ERI1: variants seen among roughly 807,000 people sequenced by gnomAD.
ERI1 encodes the protein 3'-5' exoribonuclease 1.
A neutral mutation model predicts 39.7 loss-of-function variants in ERI1; 39 were observed. The ratio of observed to expected loss-of-function variants is 0.98; its 90% confidence interval spans 0.76 to 1.28. The LOEUF (loss-of-function observed/expected upper bound fraction) is 1.28. ERI1 is among the 50% of genes most tolerant of loss of function. The pLI, the probability that ERI1 is intolerant of heterozygous loss-of-function variation, is 0.00. For synonymous variants in ERI1, 204 were observed against 149.6 expected, an observed-to-expected ratio of 1.36 and a Z score of -2.65; for missense variants, 581 against 416.9, an observed-to-expected ratio of 1.39 and a Z score of -3.43.
chr8:9,062,300 CGA>C (rs1240083262), intron 3 of ERI1, among the ~76,000 whole-genome samples: 1 of 151,514 alleles, frequency 6.6e-6, no homozygotes, highest in Non-Finnish European at 1.5e-5. Flanking sequence ...TGCGGGGATA[CGA>C]GAGGAGAATG....
chr8:9,018,458 A>G, intron 5 of ERI1, 52 bp downstream of exon 5: 1 of 1,034,816 alleles, frequency 9.7e-7, no homozygotes, highest in South Asian at 1.5e-5. Flanking sequence ...AAGATTAAAG[A>G]TACCCTTATT....
intron 3 of ERI1, among the ~76,000 whole-genome samples, chr8:9,081,067 A>G (rs1300795438): frequency 2.0e-5 from 3 of 152,210 alleles, no homozygotes; most frequent in Non-Finnish European, 4.4e-5. Flanking sequence ...GTGAAGGGGA[A>G]GCAAGGCACG....
At chr8:9,076,554 A>G (rs1176150614) in intron 3 of ERI1, among the ~76,000 whole-genome samples, 3 of 152,182 alleles carry the variant, frequency 2.0e-5, no homozygotes, top group Non-Finnish European at 2.9e-5. Flanking sequence ...AGTAAGGAAA[A>G]GAGGTGGGTG....
intron 3 of ERI1, among the ~76,000 whole-genome samples, chr8:9,054,176 G>T (rs575188573): frequency 6.6e-6 from 1 of 152,286 alleles, no homozygotes; most frequent in Non-Finnish European, 1.5e-5. Flanking sequence ...GATATAAATT[G>T]TAGTGGGAAT....
chr8:9,034,291 G>T (rs1047347268), downstream of ERI1, among the ~76,000 whole-genome samples: 1 of 152,222 alleles, frequency 6.6e-6, no homozygotes, highest in Non-Finnish European at 1.5e-5. Flanking sequence ...AATCATTGTG[G>T]AGCCACAAGG....
At chr8:9,023,762 C>A (rs939411112) in intron 6 of ERI1, among the ~76,000 whole-genome samples, 1 of 130,910 alleles carries the variant, frequency 7.6e-6, no homozygotes, top group Non-Finnish European at 1.6e-5. Flanking sequence ...TATGGTATGT[C>A]TAAAAACATT....
chr8:9,058,173 A>G (rs1360363579), intron 3 of ERI1, among the ~76,000 whole-genome samples: 2 of 152,202 alleles, frequency 1.3e-5, no homozygotes, highest in Non-Finnish European at 2.9e-5. Context: ...AGACTGCTGC[A>G]AATTACCCAG....
chr8:9,045,277 C>T (rs1380982722), intron 3 of ERI1, among the ~76,000 whole-genome samples: 1 of 151,668 alleles, frequency 6.6e-6, no homozygotes, highest in Non-Finnish European at 1.5e-5. Context: ...TTACGTTCAG[C>T]CCTAAGCTGG....
rs1455989441 is a variant in ERI1 at position 9,032,154 on chromosome 8, G to C, written c.*2120G>C. ...GATGATACTAAACATTGAGAGTACT[G>C]CTTTTTACTCTGACTTTTATTGTGT... On this transcript the variant is annotated 3_prime_UTR_variant, in exon 7 of 7. Transcript: ENST00000250263. The C allele has an allele frequency of 6.6e-6, 1 of 152,144 alleles. No individual in the cohort carries two copies. The highest frequency in any genetic ancestry group is 2.4e-5 in the African/African-American group (1 of 41,410). The allele number at this position is 152,144 out of a possible 1,614,324, so 9.4% of individuals were successfully genotyped here.
intron 2 of ERI1, among the ~76,000 whole-genome samples, chr8:9,008,409 CAA>C (rs1816280061): frequency 6.6e-6 from 1 of 152,074 alleles, no homozygotes; most frequent in Non-Finnish European, 1.5e-5. Flanking sequence ...CTTATTATGA[CAA>C]GAGTGTTTTA....
At chr8:9,080,056 C>G (rs1585291163) in intron 3 of ERI1, among the ~76,000 whole-genome samples, 1 of 150,510 alleles carries the variant, frequency 6.6e-6, no homozygotes, top group Non-Finnish European at 1.5e-5. Context: ...TTGTCAGGAG[C>G]TGGCTTACAG....
chr8:9,032,904 G>A lies in ERI1; in HGVS notation c.*2870G>A, dbSNP rs1044189426. On this transcript the variant is annotated 3_prime_UTR_variant, in exon 7 of 7. Coordinates refer to ENST00000250263, the MANE Select transcript of ERI1 (RefSeq NM_153332.4). ...GTCTGAGAAGGATGTATTGTACTTT[G>A]AAGGAAGACTTTCCATTTCTAAGCT... is the stretch of plus-strand genomic sequence containing the variant. 6.6e-6 allele frequency: 1 copy of A among 152,210 alleles called. No homozygotes were observed. The highest frequency in any genetic ancestry group is 1.5e-5 in the Non-Finnish European group (1 of 68,042). 9.4% of individuals were successfully genotyped at this position (152,210 alleles called of 1,614,324 possible).
chr8:9,038,189 T>G (rs955292846), downstream of ERI1, among the ~76,000 whole-genome samples: 8 of 152,210 alleles, frequency 5.3e-5, no homozygotes, highest in African/African-American at 1.9e-4. Context: ...TAAAGGCTTT[T>G]AAAATTCCTC....
Position 9,030,050 on chromosome 8 carries a change from T to C in ERI1, c.*16T>C. On this transcript the variant is annotated 3_prime_UTR_variant, in exon 7 of 7. Transcript: ENST00000250263. ...TAGAAAGTAACAACAGTTTTGTGTG[T>C]GGATCATTCCAATTGAAGTTGCTAT... 1 of 1,610,776 alleles carries C rather than the reference T, an allele frequency of 6.2e-7. No individual in the cohort carries two copies. The highest frequency in any genetic ancestry group is 2.2e-5 in the East Asian group (1 of 44,780).
At chr8:9,094,386 C>G (rs1048481988) in intron 3 of ERI1, among the ~76,000 whole-genome samples, 10 of 152,192 alleles carry the variant, frequency 6.6e-5, no homozygotes, top group African/African-American at 2.4e-4. Flanking sequence ...ATATTTGCCT[C>G]GCAATCCCTC....
At chr8:9,003,663 G>A (rs561207290) in intron 1 of ERI1, among the ~76,000 whole-genome samples, 3 of 152,146 alleles carry the variant, frequency 2.0e-5, no homozygotes, top group Non-Finnish European at 4.4e-5. Flanking sequence ...ATTAACTGGT[G>A]TCTCATATAA....
At chr8:9,042,306 T>A (rs1032044692) in intron 3 of ERI1, among the ~76,000 whole-genome samples, 1 of 152,210 alleles carries the variant, frequency 6.6e-6, no homozygotes, top group Non-Finnish European at 1.5e-5. Flanking sequence ...ATTTCAACTA[T>A]CCCTTCTCTG....
intron 3 of ERI1, among the ~76,000 whole-genome samples, chr8:9,055,603 G>C (rs1373222210): frequency 6.6e-6 from 1 of 152,238 alleles, no homozygotes; most frequent in South Asian, 2.1e-4. Context: ...GCAGTGGTGC[G>C]ATCTCGGCTC....
intron 3 of ERI1, among the ~76,000 whole-genome samples, chr8:9,043,062 C>T (rs10503395): frequency 0.14 from 21,910 of 152,188 alleles, 1,753 homozygotes; most frequent in African/African-American, 0.19. Context: ...TCTACTCTTA[C>T]GTCTAAGGGC....
Sources: gnomAD v4.1 joint callset for allele counts (sites outside exome capture counted in the v4.1 genomes callset) on GRCh38, gnomAD v4.1.1 for gene constraint, MANE v1.5 for transcripts, NCBI Gene and HGNC (gene_info 2026-07-23, HGNC 2026-07-21) for gene names.